LHFPL3: variants seen among roughly 807,000 people sequenced by gnomAD.
LHFPL3 encodes the protein LHFPL tetraspan subfamily member 3.
In LHFPL3, 5 loss-of-function variants were observed where a neutral mutation model predicts 19.3. The ratio of observed to expected loss-of-function variants is 0.26; its 90% CI spans 0.14 to 0.54. The LOEUF is 0.54. LHFPL3 is among the 20% of genes least tolerant of loss of function. The pLI, the probability that LHFPL3 is intolerant of heterozygous loss-of-function variation, is 0.94. For missense variants in LHFPL3, 249 were observed against 307.4 expected, an observed-to-expected ratio of 0.81 and a Z score of 1.42; for synonymous variants, 133 against 126.2, an observed-to-expected ratio of 1.05 and a Z score of -0.36.
At chr7:104,761,040 G>A (rs981437609) in intron 2 of LHFPL3, among the ~76,000 whole-genome samples, 3 of 152,074 alleles carry the variant, frequency 2.0e-5, no homozygotes, top group Non-Finnish European at 4.4e-5. Flanking sequence ...ACTGATATCA[G>A]CATGAAAAAT....
At chr7:104,686,879 G>A (rs1792815482) in intron 1 of LHFPL3, among the ~76,000 whole-genome samples, 1 of 152,186 alleles carries the variant, frequency 6.6e-6, no homozygotes, top group Admixed American at 6.5e-5. Context: ...TTTTTCACAT[G>A]TCACCAGGAG....
At chr7:104,658,506 G>A (rs890960862) in intron 1 of LHFPL3, among the ~76,000 whole-genome samples, 1 of 152,180 alleles carries the variant, frequency 6.6e-6, no homozygotes. Flanking sequence ...GAGTACTCTC[G>A]TACCTCTAGT....
At chr7:104,622,541 G>A (rs528733996) in intron 1 of LHFPL3, among the ~76,000 whole-genome samples, 6 of 152,164 alleles carry the variant, frequency 3.9e-5, no homozygotes, top group Admixed American at 2.0e-4. Flanking sequence ...ACTACAATTG[G>A]TTTTAGAACA....
At chr7:104,380,329 T>G (rs1342516247) in intron 1 of LHFPL3, among the ~76,000 whole-genome samples, 1 of 152,134 alleles carries the variant, frequency 6.6e-6, no homozygotes, top group African/African-American at 2.4e-5. Context: ...GCAATGAACA[T>G]TAAGAGATGT....
At chr7:104,707,123 A>G (rs1400771312) in intron 1 of LHFPL3, among the ~76,000 whole-genome samples, 1 of 152,232 alleles carries the variant, frequency 6.6e-6, no homozygotes, top group Non-Finnish European at 1.5e-5. Flanking sequence ...CACCACCTCA[A>G]GTCAAACCCA....
At chr7:104,892,099 A>G (rs188415172) in intron 2 of LHFPL3, among the ~76,000 whole-genome samples, 2 of 152,368 alleles carry the variant, frequency 1.3e-5, no homozygotes, top group East Asian at 3.9e-4. Context: ...CACTTATTCA[A>G]CAAGAATGCA....
chr7:104,365,797 A>AAAAGAAAG (rs1554381870), intron 1 of LHFPL3, among the ~76,000 whole-genome samples: 1 of 125,968 alleles, frequency 7.9e-6, no homozygotes. Context: ...CAAAAAAAAA[A>AAAAGAAAG]AAAAAAAAGA....
intron 2 of LHFPL3, among the ~76,000 whole-genome samples, chr7:104,877,429 C>G (rs965886420): frequency 2.0e-5 from 3 of 151,932 alleles, no homozygotes; most frequent in Admixed American, 6.6e-5. Context: ...GACAAATGAC[C>G]CAATTAAAAG....
chr7:104,828,200 C>T (rs1790863384), intron 2 of LHFPL3, among the ~76,000 whole-genome samples: 1 of 151,904 alleles, frequency 6.6e-6, no homozygotes, highest in Non-Finnish European at 1.5e-5. Context: ...AAAGGCCCAC[C>T]CAGCCTCAGC....
At chr7:104,868,807 G>A (rs573341651) in intron 2 of LHFPL3, among the ~76,000 whole-genome samples, 40 of 152,224 alleles carry the variant, frequency 2.6e-4, no homozygotes, top group African/African-American at 7.7e-4. Context: ...GAGGCATCAC[G>A]CTACCTGACT....
At chr7:104,539,136 G>A (rs924495472) in intron 1 of LHFPL3, among the ~76,000 whole-genome samples, 6 of 152,182 alleles carry the variant, frequency 3.9e-5, no homozygotes, top group African/African-American at 1.4e-4. Context: ...TGAGGCCTGT[G>A]TCAGGCATCT....
rs180850431 is a variant in LHFPL3, at chr7:104,856,200, G to A, written c.683-49987G>A. Among the ~76,000 whole-genome samples the A allele has an allele frequency of 3.0e-4, 45 of 149,414 alleles. No homozygotes were observed. In the East Asian group the frequency reaches 8.7e-3, roughly 29 times the overall value. The stretch of plus-strand genomic sequence containing the variant: ...TGGGGGATTGGTTTAGAATGCCAAT[G>A]CCTGCACTCTGCCCAGATCTCCTGA... On this transcript the variant is annotated intron_variant, in intron 2 of 2. Transcript: ENST00000424859.
intron 1 of LHFPL3, among the ~76,000 whole-genome samples, chr7:104,331,837 C>T (rs1379197594): frequency 6.6e-6 from 1 of 151,838 alleles, no homozygotes; most frequent in Non-Finnish European, 1.5e-5. Flanking sequence ...GTAATCCCAG[C>T]TACTTGGGAG....
chr7:104,572,851 A>G (rs7796437), intron 1 of LHFPL3, among the ~76,000 whole-genome samples: 37,262 of 152,062 alleles, frequency 0.25, 4,683 homozygotes, highest in Non-Finnish European at 0.26. Flanking sequence ...CTAAAAGAGA[A>G]AAAGAGTCTC....
chr7:104,729,740 TC>T (rs1793657838), intron 1 of LHFPL3, among the ~76,000 whole-genome samples: 1 of 152,066 alleles, frequency 6.6e-6, no homozygotes, highest in African/African-American at 2.4e-5. Flanking sequence ...TATAACATTT[TC>T]TTTTATATAT....
chr7:104,723,173 G>A (rs1793519589), intron 1 of LHFPL3, among the ~76,000 whole-genome samples: 1 of 152,178 alleles, frequency 6.6e-6, no homozygotes, highest in Non-Finnish European at 1.5e-5. Context: ...TGGCTCTGGG[G>A]AACCACTAGC....
At chr7:104,790,200 T>C (rs1012810260) in intron 2 of LHFPL3, among the ~76,000 whole-genome samples, 3 of 152,188 alleles carry the variant, frequency 2.0e-5, no homozygotes, top group Non-Finnish European at 1.5e-5. Flanking sequence ...TATTAAAGCT[T>C]TAAGGGATGG....
In LHFPL3 at chr7:104,610,671, A is replaced by G. The variant is rs148129788; in HGVS notation, c.446-126004A>G. 5.9e-3 allele frequency among the ~76,000 whole-genome samples: 901 copies of G among 152,306 alleles called. 8 individuals are homozygous for G. The highest frequency in any genetic ancestry group is 0.02 in the African/African-American group (815 of 41,568). On this transcript the variant is annotated intron_variant, in intron 1 of 2. Transcript: ENST00000424859. The stretch of plus-strand genomic sequence containing the variant: ...AGAATTGTTTCATATTCAGCTGTCT[A>G]TTCTATTCAGATCTTCAATAGATTT...
At chr7:104,413,494 A>T (rs1254151582) in intron 1 of LHFPL3, among the ~76,000 whole-genome samples, 2 of 152,182 alleles carry the variant, frequency 1.3e-5, no homozygotes, top group African/African-American at 4.8e-5. Context: ...CCCTATGGAG[A>T]GATGCTATTA....
Sources: allele counts gnomAD v4.1 joint callset (sites outside exome capture counted in the v4.1 genomes callset), GRCh38; gene constraint gnomAD v4.1.1; transcripts MANE v1.5; gene names NCBI Gene and HGNC (gene_info 2026-07-23, HGNC 2026-07-21).